DENND5B: variants seen among roughly 807,000 people sequenced by gnomAD.
The protein encoded by DENND5B is DENN domain containing 5B, also known as DENN domain-containing protein 5B.
Under a neutral mutation model 140.6 loss-of-function variants are expected in DENND5B, and 34 were observed. That is an observed-to-expected ratio of 0.24 (90% CI 0.18 to 0.32). DENND5B has a LOEUF of 0.32. Among genes scored for constraint, DENND5B ranks in the 10% least tolerant of loss-of-function variants. The probability of loss-of-function intolerance (pLI) is 1.00; values close to 1 mark genes in which losing one functional copy is unlikely to be tolerated. For synonymous variants in DENND5B, 551 were observed against 562.1 expected, an observed-to-expected ratio of 0.98 and a Z score of 0.28; for missense variants, 1,142 against 1,560.2, an observed-to-expected ratio of 0.73 and a Z score of 4.52.
chr12:31,547,991 C>G (rs1401894221), intron 1 of DENND5B, among the ~76,000 whole-genome samples: 1 of 152,150 alleles, frequency 6.6e-6, no homozygotes, highest in East Asian at 1.9e-4. Context: ...AAGGTGTGAG[C>G]CACCGCACCC....
At position 31,566,800 on chromosome 12, in the gene DENND5B, A is replaced by G. The variant is rs1471537210; in HGVS notation, c.127+23906T>C. Among the ~76,000 whole-genome samples the G allele has an allele frequency of 3.9e-5, 6 of 152,332 alleles. No individual in the cohort carries two copies. The East Asian group carries it at 1.2e-3, about 29-fold the overall frequency. ...TATACAAGCATTATCAACCAATAGC[A>G]GGCAGTTCAACATCAGATTCTTCTA... On this transcript the variant is annotated intron_variant, in intron 1 of 20. Coordinates refer to ENST00000389082, the MANE Select transcript of DENND5B (RefSeq NM_144973.4).
intron 2 of DENND5B, among the ~76,000 whole-genome samples, chr12:31,486,748 T>C (rs549899615): frequency 2.0e-5 from 3 of 152,378 alleles, no homozygotes; most frequent in Admixed American, 6.5e-5. Flanking sequence ...CCCTTAAGTC[T>C]CTACATAAAT....
At position 31,392,667 on chromosome 12, in the gene DENND5B, T is replaced by A; in HGVS notation, c.3286A>T (p.Ile1096Phe). Residue 1096 changes from isoleucine to phenylalanine, a missense_variant, in exon 18 of 21, where the codon ATT becomes TTT. By Grantham distance (21) the Ile-to-Phe change is conservative. This residue lies in a region of DENND5B where 268 missense variants were observed against 349.2 expected (regional missense o/e 0.77). Coordinates refer to ENST00000389082, the MANE Select transcript of DENND5B (RefSeq NM_144973.4). The part of the protein sequence containing the change: ...KPNAGQIQEG[I>F]GEAVNNIVKH... ...ACAATATTGTTCACAGCTTCTCCAA[T>A]TCCTTCTTGTATCTGCCCAGCATTG... 1 of 1,557,960 alleles carries A rather than the reference T, an allele frequency of 6.4e-7. No homozygotes were observed. The highest frequency in any genetic ancestry group is 8.7e-7 in the Non-Finnish European group (1 of 1,149,702).
intron 1 of DENND5B, among the ~76,000 whole-genome samples, chr12:31,569,060 CTTTTTTTTTTTTTT>C (rs1234009016): frequency 3.2e-5 from 3 of 93,162 alleles, no homozygotes; most frequent in African/African-American, 1.5e-4. Flanking sequence ...AGCAACATAC[CTTTTTTTTTTTTTT>C]TTTTTTTTTG....
At chr12:31,587,511 T>C (rs1436359240) in intron 1 of DENND5B, among the ~76,000 whole-genome samples, 3 of 134,652 alleles carry the variant, frequency 2.2e-5, no homozygotes, top group African/African-American at 8.1e-5. Flanking sequence ...CAACAACTTC[T>C]CTCACCACAA....
At position 31,469,332 on chromosome 12, in the gene DENND5B, CA is replaced by C. The variant is rs572719010; in HGVS notation, c.905-8952del. Among the ~76,000 whole-genome samples, 163 of 106,062 alleles carry C rather than the reference CA, an allele frequency of 1.5e-3. 1 individual carries two copies. The highest frequency in any genetic ancestry group is 4.7e-3 in the African/African-American group (129 of 27,228). The allele number at this position is 106,062 out of a possible 152,430, so 69.6% of individuals were successfully genotyped here. On this transcript the variant is annotated intron_variant, in intron 3 of 20. Coordinates refer to ENST00000389082, the MANE Select transcript of DENND5B (RefSeq NM_144973.4). ...TGGGTGACAGAGACAGACTCCATCT[CA>C]AAAAAAAAAAAAAAAGAAGAAGAAG...
At chr12:31,468,637 T>C (rs1287113807) in intron 3 of DENND5B, among the ~76,000 whole-genome samples, 1 of 150,556 alleles carries the variant, frequency 6.6e-6, no homozygotes, top group Admixed American at 6.6e-5. Flanking sequence ...TGAGACCCTG[T>C]CATTTCAAAA....
intron 3 of DENND5B, among the ~76,000 whole-genome samples, chr12:31,462,426 G>C (rs960914319): frequency 8.6e-5 from 13 of 152,042 alleles, no homozygotes; most frequent in African/African-American, 3.1e-4. Flanking sequence ...AGTAGAAACT[G>C]TGCCCTAATC....
chr12:31,469,454 C>T lies in DENND5B; in HGVS notation c.905-9073G>A, dbSNP rs144922175. Among the ~76,000 whole-genome samples the T allele has an allele frequency of 4.6e-5, 7 of 152,274 alleles. No individual in the cohort carries two copies. The South Asian group carries it at 6.2e-4, about 14-fold the overall frequency. On this transcript the variant is annotated intron_variant, in intron 3 of 20. Coordinates refer to ENST00000389082, the MANE Select transcript of DENND5B (RefSeq NM_144973.4). ...CATAGCAGTTCTGCACCCACCCCTA[C>T]ACCTTTTGCACCTCTCTTCCATTTG...
intron 3 of DENND5B, among the ~76,000 whole-genome samples, chr12:31,463,814 C>A (rs764436605): frequency 2.0e-5 from 3 of 152,096 alleles, no homozygotes; most frequent in Non-Finnish European, 2.9e-5. Context: ...TACAGGCACA[C>A]GCCACCACAC....
intron 11 of DENND5B, chr12:31,420,112 C>T (rs1164128536): frequency 1.1e-6 from 1 of 948,722 alleles, no homozygotes. Context: ...TAAGAACTGG[C>T]TCAACGTTTT....
chr12:31,561,837 C>T (rs761078138), intron 1 of DENND5B, among the ~76,000 whole-genome samples: 3 of 152,104 alleles, frequency 2.0e-5, no homozygotes, highest in Non-Finnish European at 4.4e-5. Context: ...AGCATTTTTT[C>T]CCTTTGTAAT....
At chr12:31,584,242 C>A (rs1950311573) in intron 1 of DENND5B, among the ~76,000 whole-genome samples, 1 of 152,120 alleles carries the variant, frequency 6.6e-6, no homozygotes, top group South Asian at 2.1e-4. Flanking sequence ...TTTTCTTTCC[C>A]TTTCTCTCCT....
intron 3 of DENND5B, among the ~76,000 whole-genome samples, chr12:31,467,024 ACAGGAAAC>A (rs1214475120): frequency 6.6e-6 from 1 of 152,166 alleles, no homozygotes; most frequent in African/African-American, 2.4e-5. Context: ...CAACAGCAAT[ACAGGAAAC>A]CAGAAGATGA....
chr12:31,537,089 A>C (rs1948524814), intron 1 of DENND5B, among the ~76,000 whole-genome samples: 1 of 152,226 alleles, frequency 6.6e-6, no homozygotes, highest in Non-Finnish European at 1.5e-5. Context: ...GGTGTACTTC[A>C]ATCAGAAAGA....
At chr12:31,399,835 C>A in intron 15 of DENND5B, 63 bp from the exon 16 acceptor site, 1 of 1,319,202 alleles carries the variant, frequency 7.6e-7, no homozygotes, top group African/African-American at 1.5e-5. Context: ...CTCAGCTTTA[C>A]AGGTACTTTG....
rs200054773 is a variant in DENND5B, at chr12:31,412,114, A to AT, written c.2681+1321dup. On this transcript the variant is annotated intron_variant, in intron 13 of 20. Coordinates refer to ENST00000389082, the MANE Select transcript of DENND5B (RefSeq NM_144973.4). The stretch of plus-strand genomic sequence containing the variant: ...AGGTGCCTGCCACCATGCCCGGTTA[A>AT]TTTTTTTATTTTTTGTAGAGACAGG... Among the ~76,000 whole-genome samples the AT allele has an allele frequency of 1.1e-3, 165 of 152,000 alleles. 1 individual carries two copies. In the East Asian group the frequency reaches 0.03, roughly 28 times the overall value.
At chr12:31,400,680 T>G (rs959057923) in intron 15 of DENND5B, among the ~76,000 whole-genome samples, 1 of 152,210 alleles carries the variant, frequency 6.6e-6, no homozygotes, top group African/African-American at 2.4e-5. Context: ...ATGGGGTGTC[T>G]GTCACCTCAA....
At chr12:31,578,023 G>C (rs1218838100) in intron 1 of DENND5B, among the ~76,000 whole-genome samples, 1 of 151,408 alleles carries the variant, frequency 6.6e-6, no homozygotes, top group Non-Finnish European at 1.5e-5. Context: ...GCTATTTGGG[G>C]GACTGAGGCA....
Sources: allele counts gnomAD v4.1 joint callset (sites outside exome capture counted in the v4.1 genomes callset), GRCh38; gene constraint gnomAD v4.1.1; regional missense constraint gnomAD v4.1.1; transcripts MANE v1.5; gene names NCBI Gene and HGNC (gene_info 2026-07-23, HGNC 2026-07-21).